MIPOL1: variants seen among roughly 807,000 people sequenced by gnomAD.
The protein encoded by MIPOL1 is mirror-image polydactyly gene 1 protein.
A neutral mutation model predicts 60.9 loss-of-function variants in MIPOL1; 57 were observed. The observed-to-expected ratio is 0.94, with a 90% CI of 0.76 to 1.17. The LOEUF (loss-of-function observed/expected upper bound fraction) is 1.17, where lower values mean the gene tolerates loss of function less well. MIPOL1 is among the 50% of genes most tolerant of loss of function. The pLI is 0.00. For synonymous variants in MIPOL1, 179 were observed against 168.8 expected (o/e 1.06, Z -0.47); for missense variants, 551 against 511.6 (o/e 1.08, Z -0.74).
At chr14:37,244,489 T>C (rs17091939) in intron 1 of MIPOL1, among the ~76,000 whole-genome samples, 10,808 of 152,040 alleles carry the variant, frequency 0.071, 678 homozygotes, top group East Asian at 0.24. Flanking sequence ...GCTAGGAATT[T>C]ATTATGGAGA....
intron 12 of MIPOL1, among the ~76,000 whole-genome samples, chr14:37,542,507 A>G (rs2153641715): frequency 6.6e-6 from 1 of 152,286 alleles, no homozygotes; most frequent in Non-Finnish European, 1.5e-5. Context: ...TACTGGCAGT[A>G]CTTGAAACAC....
In MIPOL1 at chr14:37,268,665, G is replaced by T; in HGVS notation, c.259G>T (p.Glu87Ter). The T allele has an allele frequency of 6.3e-7, 1 of 1,584,988 alleles. No individual in the cohort carries two copies. Among genetic ancestry groups the T allele is most frequent in the Non-Finnish European group, 8.6e-7 (1 of 1,168,324 alleles). ...YCTTEKYNVM[E>*]HRHNDMHYEC... is the part of the protein sequence containing the mutation. Reference sequence around the variant, plus strand: ...TCAGTTTCTTTATTACAGCGTTATGGAACATAGACATAATGATATGCATTA... The same window carrying T: ...TCAGTTTCTTTATTACAGCGTTATGTAACATAGACATAATGATATGCATTA... The change falls in exon 5 of 13, where the codon GAA (glutamate) becomes TAA (stop). Residue 87 changes from glutamate (E) to a stop codon, truncating the protein, a stop_gained. Coordinates refer to ENST00000684589, the MANE Select transcript of MIPOL1 (RefSeq NM_001388067.1). LOFTEE classifies it high-confidence loss of function.
chr14:37,357,312 T>C (rs1326431935), intron 9 of MIPOL1, among the ~76,000 whole-genome samples: 1 of 152,222 alleles, frequency 6.6e-6, no homozygotes, highest in Non-Finnish European at 1.5e-5. Context: ...TTTAACTTGA[T>C]GTGATCCCAT....
At position 37,500,068 on chromosome 14, in the gene MIPOL1, C is replaced by A; in HGVS notation, c.1192C>A (p.Arg398=). Residue 398 remains arginine (R), a synonymous_variant, in exon 12 of 13, where the codon CGA becomes AGA. Coordinates refer to ENST00000684589, the MANE Select transcript of MIPOL1 (RefSeq NM_001388067.1). The part of the protein sequence containing the change: ...ATQLQQALTE[R]ANMELQLQHA... Reference sequence around the variant, plus strand: ...TCAACTGCAACAAGCTCTGACAGAGCGAGCAAATATGGAATTACAACTTCA... The same window carrying A: ...TCAACTGCAACAAGCTCTGACAGAGAGAGCAAATATGGAATTACAACTTCA... The A allele has an allele frequency of 6.2e-7, 1 of 1,613,738 alleles. No homozygotes were observed. The highest frequency in any genetic ancestry group is 8.5e-7 in the Non-Finnish European group (1 of 1,179,780).
chr14:37,432,900 T>G (rs2094099140), intron 11 of MIPOL1, among the ~76,000 whole-genome samples: 1 of 152,174 alleles, frequency 6.6e-6, no homozygotes, highest in Non-Finnish European at 1.5e-5. Context: ...TGTTTATTAT[T>G]CAGGGTTCTT....
intron 1 of MIPOL1, among the ~76,000 whole-genome samples, chr14:37,218,782 A>G (rs548778582): frequency 5.9e-5 from 9 of 152,040 alleles, no homozygotes; most frequent in Non-Finnish European, 5.9e-5. Flanking sequence ...ATAAAAAAAT[A>G]GAAAAATTAG....
chr14:37,542,685 G>T (rs1036641195), intron 12 of MIPOL1, among the ~76,000 whole-genome samples: 2 of 152,106 alleles, frequency 1.3e-5, no homozygotes, highest in African/African-American at 4.8e-5. Flanking sequence ...ACCCAAGGTA[G>T]GTTCTGTTAA....
chr14:37,422,891 G>A lies in MIPOL1; in HGVS notation c.973G>A (p.Ala325Thr). Reference sequence around the variant, plus strand: ...ATCTATGCAACAAGCCAGAGAAACTGCAGTTCAACAGTACAAAAAACTGGA... The same window carrying A: ...ATCTATGCAACAAGCCAGAGAAACTACAGTTCAACAGTACAAAAAACTGGA... ...LLSMQQARET[A>T]VQQYKKLEEE... is the part of the protein sequence containing the mutation. Residue 325 changes from alanine (A) to threonine (T), a missense_variant, in exon 11 of 13, where the codon GCA becomes ACA. By Grantham distance (58) the Ala-to-Thr change is moderately conservative (BLOSUM62 0). Coordinates refer to ENST00000684589, the MANE Select transcript of MIPOL1 (RefSeq NM_001388067.1). 6.2e-7 allele frequency: 1 copy of A among 1,608,880 alleles called. No homozygotes were observed. The highest frequency in any genetic ancestry group is 8.5e-7 in the Non-Finnish European group (1 of 1,176,984).
intron 9 of MIPOL1, among the ~76,000 whole-genome samples, chr14:37,339,198 A>T (rs549512751): frequency 4.6e-5 from 7 of 152,360 alleles, no homozygotes; most frequent in African/African-American, 1.7e-4. Flanking sequence ...TCATCCAATG[A>T]CAACCTGAAA....
At chr14:37,223,335 G>C (rs1282333171) in intron 1 of MIPOL1, among the ~76,000 whole-genome samples, 1 of 151,408 alleles carries the variant, frequency 6.6e-6, no homozygotes, top group Non-Finnish European at 1.5e-5. Flanking sequence ...GCCTGGCCTG[G>C]TGTTTACTTA....
At chr14:37,538,179 A>G (rs1002251253) in intron 12 of MIPOL1, among the ~76,000 whole-genome samples, 2 of 152,216 alleles carry the variant, frequency 1.3e-5, no homozygotes, top group African/African-American at 4.8e-5. Flanking sequence ...CATTTCAGGA[A>G]TTAACCTCTA....
chr14:37,292,465 CTTTTT>C (rs34055899), intron 7 of MIPOL1, among the ~76,000 whole-genome samples: 3 of 63,442 alleles, frequency 4.7e-5, no homozygotes, highest in East Asian at 5.2e-4. Flanking sequence ...CCTTAATAAA[CTTTTT>C]TTTTTTTTTT....
At chr14:37,217,813 C>T (rs536654237) in intron 1 of MIPOL1, among the ~76,000 whole-genome samples, 9 of 152,236 alleles carry the variant, frequency 5.9e-5, no homozygotes, top group African/African-American at 2.2e-4. Context: ...GAAATTCTTT[C>T]CTCTGAAATC....
At chr14:37,210,848 C>T (rs191880421) in intron 1 of MIPOL1, among the ~76,000 whole-genome samples, 338 of 152,250 alleles carry the variant, frequency 2.2e-3, no homozygotes, top group South Asian at 6.9e-3. Flanking sequence ...TAGGTCTCTC[C>T]TATAATCCTA....
At chr14:37,441,996 A>T (rs2094253906) in intron 11 of MIPOL1, among the ~76,000 whole-genome samples, 1 of 151,904 alleles carries the variant, frequency 6.6e-6, no homozygotes, top group Non-Finnish European at 1.5e-5. Context: ...ATATGCTGGG[A>T]TTGCAGGTGT....
intron 1 of MIPOL1, among the ~76,000 whole-genome samples, chr14:37,230,997 T>G (rs1244457139): frequency 1.3e-5 from 2 of 152,170 alleles, no homozygotes; most frequent in African/African-American, 4.8e-5. Flanking sequence ...GGAGAATGTG[T>G]ACAGTTGATT....
At chr14:37,333,813 C>T (rs776265291) in intron 9 of MIPOL1, among the ~76,000 whole-genome samples, 42 of 152,088 alleles carry the variant, frequency 2.8e-4, no homozygotes, top group Non-Finnish European at 4.1e-4. Flanking sequence ...CTGTAATTGA[C>T]AGACGATTTG....
At chr14:37,288,096 C>A (rs983768597) in intron 7 of MIPOL1, among the ~76,000 whole-genome samples, 1 of 152,156 alleles carries the variant, frequency 6.6e-6, no homozygotes, top group Non-Finnish European at 1.5e-5. Flanking sequence ...CTGAAATACA[C>A]TTCTATTAGC....
intron 9 of MIPOL1, among the ~76,000 whole-genome samples, chr14:37,354,900 C>T (rs1437286634): frequency 4.2e-5 from 2 of 47,554 alleles, no homozygotes; most frequent in Non-Finnish European, 8.8e-5. Context: ...GCATTTAGTC[C>T]ATTTACATTT....
Sources: gnomAD v4.1 joint callset for allele counts (sites outside exome capture counted in the v4.1 genomes callset) on GRCh38, gnomAD v4.1.1 for gene constraint, MANE v1.5 for transcripts, NCBI Gene and HGNC (gene_info 2026-07-23, HGNC 2026-07-21) for gene names.